The following TLR4 variants were observed in gnomAD, a reference collection of about 807,000 sequenced individuals.
TLR4 encodes toll like receptor 4.
Under a neutral mutation model 27.4 loss-of-function variants are expected in TLR4, and 17 were observed. The ratio of observed to expected loss-of-function variants is 0.62; its 90% CI spans 0.42 to 0.93. The LOEUF (loss-of-function observed/expected upper bound fraction) is 0.93. Among genes scored for constraint, TLR4 ranks in the 40% least tolerant of loss-of-function variants. TLR4 has a pLI of 0.00. For synonymous variants in TLR4, 363 were observed against 365.7 expected (o/e 0.99, Z 0.08); for missense variants, 926 against 962.3 (o/e 0.96, Z 0.50).
intron 1 of TLR4, among the ~76,000 whole-genome samples, chr9:117,705,248 T>C (rs1829117817): frequency 1.3e-5 from 2 of 152,110 alleles, no homozygotes; most frequent in South Asian, 2.1e-4. Context: ...ATCTCTTTTG[T>C]TTTTCCCCTG....
In TLR4 at chr9:117,722,355, G is replaced by A. The variant is rs1263831804; in HGVS notation, c.*7707G>A. ...ATTGGGGAAGTGATCACTGACGGTT[G>A]AAATTCAGTAGTTTTGGTCTTTAAG... On this transcript the variant is annotated 3_prime_UTR_variant, in exon 3 of 3. Transcript: ENST00000355622. 6.6e-6 allele frequency: 1 copy of A among 152,168 alleles called. No homozygotes were observed. Among genetic ancestry groups the A allele is most frequent in the African/African-American group, 2.4e-5 (1 of 41,434 alleles). The allele number at this position is 152,168 out of a possible 1,614,324, so 9.4% of individuals were successfully genotyped here.
rs765968259 is a variant in TLR4 at position 117,714,290 on chromosome 9, A to G, written c.2162A>G (p.Asn721Ser). 5 of 1,593,018 alleles carry G rather than the reference A, an allele frequency of 3.1e-6. No homozygotes were observed. In the African/African-American group the frequency reaches 6.7e-5, roughly 21 times the overall value. Residue 721 changes from asparagine (N) to serine (S), a missense_variant, in exon 3 of 3, where the codon AAC becomes AGC. Transcript: ENST00000355622. ...DFIPGVAIAANIIHEGFHKSR... is the reference protein window; with the variant it reads ...DFIPGVAIAASIIHEGFHKSR... ...ATTCCCGGTGTGGCCATTGCTGCCA[A>G]CATCATCCATGAAGGTTTCCATAAA... is the stretch of plus-strand genomic sequence containing the variant.
chr9:117,710,464 T>G (rs1356135075), intron 2 of TLR4, among the ~76,000 whole-genome samples: 1 of 151,288 alleles, frequency 6.6e-6, no homozygotes, highest in East Asian at 1.9e-4. Flanking sequence ...TTTTTTTTTT[T>G]CAAACAAGAA....
rs55970739 is a variant in TLR4 at position 117,708,174 on chromosome 9, G to A, written c.94-389G>A. 1.8e-5 allele frequency: 18 copies of A among 1,013,224 alleles called. 1 individual carries two copies. Among genetic ancestry groups the A allele is most frequent in the Admixed American group, 1.0e-4 (2 of 19,238 alleles). 62.8% of individuals were successfully genotyped at this position (1,013,224 alleles called of 1,614,324 possible). On this transcript the variant is annotated intron_variant, in intron 1 of 2. Transcript: ENST00000355622. ...GCTCACTGAGGTTTTTCTTTTGTTC[G>A]TTTTATTTTGTTTTGTTTTTAAAGA...
chr9:117,716,837 G>A lies in TLR4; in HGVS notation c.*2189G>A, dbSNP rs1434218562. 1 of 152,102 alleles carries A rather than the reference G, an allele frequency of 6.6e-6. No homozygotes were observed. Among genetic ancestry groups the A allele is most frequent in the African/African-American group, 2.4e-5 (1 of 41,422 alleles). The allele number at this position is 152,102 out of a possible 1,614,324, so 9.4% of individuals were successfully genotyped here. ...TGACTATGTCTAAACTCATCAAATT[G>A]TATACATTAAATATATGCAGTTTTA... On this transcript the variant is annotated 3_prime_UTR_variant, in exon 3 of 3. Transcript: ENST00000355622.
In TLR4 at chr9:117,722,772, T is replaced by G. The variant is rs559877084; in HGVS notation, c.*8124T>G. 6.6e-6 allele frequency: 1 copy of G among 152,190 alleles called. No individual in the cohort carries two copies. The highest frequency in any genetic ancestry group is 2.1e-4 in the South Asian group (1 of 4,826). 9.4% of individuals were successfully genotyped at this position (152,190 alleles called of 1,614,324 possible). A position where few individuals can be genotyped will look rare whatever the true frequency, so the allele number is the denominator to read the frequency against. On this transcript the variant is annotated 3_prime_UTR_variant, in exon 3 of 3. Transcript: ENST00000355622. ...ATGGGACATTTAGGTCAGATCAGCA[T>G]TTTCAAAAGTGTGACATGTTAGTAA... is the stretch of plus-strand genomic sequence containing the variant.
chr9:117,710,904 C>T (rs899058244), intron 2 of TLR4, among the ~76,000 whole-genome samples: 4 of 152,094 alleles, frequency 2.6e-5, no homozygotes, highest in Non-Finnish European at 5.9e-5. Context: ...CTCTACTTCT[C>T]TAAAGTGATT....
At position 117,719,584 on chromosome 9, in the gene TLR4, A is replaced by G. The variant is rs551285338; in HGVS notation, c.*4936A>G. 3 of 152,306 alleles carry G rather than the reference A, an allele frequency of 2.0e-5. No homozygotes were observed. Among genetic ancestry groups the G allele is most frequent in the African/African-American group, 7.2e-5 (3 of 41,568 alleles). The allele number at this position is 152,306 out of a possible 1,614,324, so 9.4% of individuals were successfully genotyped here. A position where few individuals can be genotyped will look rare whatever the true frequency, so the allele number is the denominator to read the frequency against. ...AAAATGTGATCTAAGTTATGTGATC[A>G]AAGATTTTTTAACAGTGAACAAATC... On this transcript the variant is annotated 3_prime_UTR_variant, in exon 3 of 3. Transcript: ENST00000355622.
intron 2 of TLR4, among the ~76,000 whole-genome samples, chr9:117,710,449 C>T (rs1250489298): frequency 6.7e-6 from 1 of 148,914 alleles, no homozygotes; most frequent in East Asian, 2.0e-4. Context: ...GACCACCTCT[C>T]CCTTTTTTTT....
chr9:117,714,607 G>T lies in TLR4; in HGVS notation c.2479G>T (p.Val827Leu). 2 of 1,613,526 alleles carry T rather than the reference G, an allele frequency of 1.2e-6. No homozygotes were observed. Among genetic ancestry groups the T allele is most frequent in the South Asian group, 2.2e-5 (2 of 91,062 alleles). The change falls in exon 3 of 3, where the codon GTG (valine) becomes TTG (leucine). Residue 827 changes from valine (V) to leucine (L), a missense_variant. Transcript: ENST00000355622. ...TAAATCATGGAATCCAGAAGGAACA[G>T]TGGGTACAGGATGCAATTGGCAGGA... Reference protein sequence around the residue: ...DGKSWNPEGTVGTGCNWQEAT... With the variant: ...DGKSWNPEGTLGTGCNWQEAT...
rs1439307775 is a variant in TLR4 at position 117,720,938 on chromosome 9, CTT to C, written c.*6292_*6293del. 6 of 152,050 alleles carry C rather than the reference CTT, an allele frequency of 3.9e-5. No individual in the cohort carries two copies. Among genetic ancestry groups the C allele is most frequent in the Admixed American group, 3.9e-4 (6 of 15,262 alleles). 9.4% of individuals were successfully genotyped at this position (152,050 alleles called of 1,614,324 possible). A position where few individuals can be genotyped will look rare whatever the true frequency, so the allele number is the denominator to read the frequency against. ...TCCTCCTCAGAAAGGAATAAACACT[CTT>C]TCTATTTGTGGGATTCCCTAGGAGA... is the stretch of plus-strand genomic sequence containing the variant. On this transcript the variant is annotated 3_prime_UTR_variant, in exon 3 of 3. Coordinates refer to ENST00000355622, the MANE Select transcript of TLR4 (RefSeq NM_138554.5).
rs1318246099 is a variant in TLR4, at chr9:117,712,601, C to G, written c.473C>G (p.Ala158Gly). Residue 158 changes from alanine to glycine, a missense_variant, in exon 3 of 3, where the codon GCT becomes GGT. Ala to Gly is a moderately conservative substitution (Grantham distance 60, BLOSUM62 0). Coordinates refer to ENST00000355622, the MANE Select transcript of TLR4 (RefSeq NM_138554.5). ...HLKTLKELNVAHNLIQSFKLP... is the reference protein window; with the variant it reads ...HLKTLKELNVGHNLIQSFKLP... ...AAAACTTTGAAAGAACTTAATGTGG[C>G]TCACAATCTTATCCAATCTTTCAAA... The G allele has an allele frequency of 1.2e-6, 2 of 1,614,008 alleles. No homozygotes were observed. The highest frequency in any genetic ancestry group is 3.3e-5 in the Admixed American group (2 of 59,988).
At chr9:117,709,118 C>G (rs1829187339) in intron 2 of TLR4, 1 of 214,854 alleles carries the variant, frequency 4.7e-6, no homozygotes, top group African/African-American at 2.3e-5. Flanking sequence ...GGAGGCATAT[C>G]TTCTTGAAAG....
At chr9:117,706,109 T>C (rs1407755630) in intron 1 of TLR4, among the ~76,000 whole-genome samples, 1 of 152,192 alleles carries the variant, frequency 6.6e-6, no homozygotes, top group Non-Finnish European at 1.5e-5. Context: ...ATTTAGTATA[T>C]GTTTTACATT....
intron 2 of TLR4, 111 bp downstream of exon 2, chr9:117,708,840 C>T: frequency 7.5e-7 from 1 of 1,340,428 alleles, no homozygotes; most frequent in Non-Finnish European, 1.1e-6. Context: ...TTCACTTATT[C>T]ATTCATACAA....
rs753357725 is a variant in TLR4, at chr9:117,713,888, A to G, written c.1760A>G (p.His587Arg). 2 of 1,614,036 alleles carry G rather than the reference A, an allele frequency of 1.2e-6. No individual in the cohort carries two copies. Among genetic ancestry groups the G allele is most frequent in the Non-Finnish European group, 1.7e-6 (2 of 1,180,000 alleles). Residue 587 changes from histidine to arginine, a missense_variant, in exon 3 of 3, where the codon CAC becomes CGC. Coordinates refer to ENST00000355622, the MANE Select transcript of TLR4 (RefSeq NM_138554.5). Reference sequence around the variant, plus strand: ...AATGACTTTGCTTGTACTTGTGAACACCAGAGTTTCCTGCAATGGATCAAG... The same window carrying G: ...AATGACTTTGCTTGTACTTGTGAACGCCAGAGTTTCCTGCAATGGATCAAG... ...TQNDFACTCE[H>R]QSFLQWIKDQ...
chr9:117,715,211 CA>C lies in TLR4; in HGVS notation c.*565del. 6.4e-6 allele frequency: 1 copy of C among 156,910 alleles called. No individual in the cohort carries two copies. The highest frequency in any genetic ancestry group is 1.4e-5 in the Non-Finnish European group (1 of 70,582). 9.7% of individuals were successfully genotyped at this position (156,910 alleles called of 1,614,324 possible). ...AGGAAACCTGATTAACACATGCTCA[CA>C]ACCATCCTGGTCATTCTCGAGCATG... On this transcript the variant is annotated 3_prime_UTR_variant, in exon 3 of 3. Transcript: ENST00000355622.
rs868087145 is a variant in TLR4, at chr9:117,708,663, C to T, written c.194C>T (p.Pro65Leu). The T allele has an allele frequency of 6.2e-7, 1 of 1,613,916 alleles. No individual in the cohort carries two copies. Among genetic ancestry groups the T allele is most frequent in the Non-Finnish European group, 8.5e-7 (1 of 1,179,850 alleles). The change falls in exon 2 of 3, where the codon CCC (proline) becomes CTC (leucine). Residue 65 changes from proline (P) to leucine (L), a missense_variant. By Grantham distance (98) the Pro-to-Leu change is moderately conservative. Coordinates refer to ENST00000355622, the MANE Select transcript of TLR4 (RefSeq NM_138554.5). ...AAGAACCTGGACCTGAGCTTTAATC[C>T]CCTGAGGCATTTAGGCAGCTATAGC... ...STKNLDLSFN[P>L]LRHLGSYSFF...
chr9:117,720,038 T>G lies in TLR4; in HGVS notation c.*5390T>G, dbSNP rs910815903. 2 of 152,210 alleles carry G rather than the reference T, an allele frequency of 1.3e-5. No individual in the cohort carries two copies. Among genetic ancestry groups the G allele is most frequent in the African/African-American group, 4.8e-5 (2 of 41,462 alleles). 9.4% of individuals were successfully genotyped at this position (152,210 alleles called of 1,614,324 possible). A position where few individuals can be genotyped will look rare whatever the true frequency, so the allele number is the denominator to read the frequency against. Reference sequence around the variant, plus strand: ...ACATTTGCCGCACCTTCTGTATTTTTTTTAAGTTGCTAAGCTTTTGGTGCA... The same window carrying G: ...ACATTTGCCGCACCTTCTGTATTTTGTTTAAGTTGCTAAGCTTTTGGTGCA... On this transcript the variant is annotated 3_prime_UTR_variant, in exon 3 of 3. Coordinates refer to ENST00000355622, the MANE Select transcript of TLR4 (RefSeq NM_138554.5).
Sources: allele counts gnomAD v4.1 joint callset (sites outside exome capture counted in the v4.1 genomes callset), GRCh38; gene constraint gnomAD v4.1.1; transcripts MANE v1.5; gene names NCBI Gene and HGNC (gene_info 2026-07-23, HGNC 2026-07-21).